PGM5: variants seen among roughly 807,000 people sequenced by gnomAD.
The protein encoded by PGM5 is phosphoglucomutase 5.
PGM5 carries 23 observed loss-of-function variants against 59.2 expected under a neutral mutation model. The observed-to-expected ratio is 0.39, with a 90% CI of 0.28 to 0.55. The LOEUF is 0.55. Among genes scored for constraint, PGM5 ranks in the 20% least tolerant of loss-of-function variants. The pLI is 0.66. For synonymous variants in PGM5, 214 were observed against 286.0 expected, an observed-to-expected ratio of 0.75 and a Z score of 2.54; for missense variants, 574 against 748.3, an observed-to-expected ratio of 0.77 and a Z score of 2.72.
chr9:68,479,731 G>A (rs955283569), intron 8 of PGM5, among the ~76,000 whole-genome samples, 178 bp downstream of exon 8: 28 of 152,086 alleles, frequency 1.8e-4, no homozygotes, highest in Non-Finnish European at 3.5e-4. Flanking sequence ...TCAGGAGATC[G>A]AGACCATCCC....
chr9:68,472,458 C>G (rs1554686332), intron 7 of PGM5, among the ~76,000 whole-genome samples: 1 of 152,026 alleles, frequency 6.6e-6, no homozygotes, highest in Non-Finnish European at 1.5e-5. Flanking sequence ...GACCCAGCTT[C>G]CATCTTGACT....
At chr9:68,501,350 A>C (rs1384748383) in intron 10 of PGM5, among the ~76,000 whole-genome samples, 1 of 152,248 alleles carries the variant, frequency 6.6e-6, no homozygotes, top group Non-Finnish European at 1.5e-5. Context: ...GATATAACAT[A>C]GAGTAAGATT....
At chr9:68,376,777 CTTTCTTTCTTTCTTTCTTT>C (rs1821900297) in intron 1 of PGM5, among the ~76,000 whole-genome samples, 1 of 74,930 alleles carries the variant, frequency 1.3e-5, no homozygotes, top group African/African-American at 5.4e-5. Flanking sequence ...TTCTTTCTTT[CTTTCTTTCTTTCTTTCTTT>C]CTTTCTTTCT....
In PGM5 at chr9:68,479,408, TCACC is replaced by T; in HGVS notation, c.1160-9_1160-6del. On this transcript the variant is annotated splice_region_variant and splice_polypyrimidine_tract_variant and intron_variant, in intron 7 of 10. Transcript: ENST00000396396. Reference sequence around the variant, plus strand: ...ATGAATGCTCAGCAGAATTTTTCTTTCACCTTTAGGCTCTGACCACCTCCGAGAG... The same window carrying T: ...ATGAATGCTCAGCAGAATTTTTCTTTTTTAGGCTCTGACCACCTCCGAGAG... The T allele has an allele frequency of 6.3e-7, 1 of 1,593,680 alleles. No homozygotes were observed. Among genetic ancestry groups the T allele is most frequent in the Non-Finnish European group, 8.5e-7 (1 of 1,173,846 alleles).
Position 68,437,039 on chromosome 9 carries a change from C to T in PGM5, c.1044-28054C>T, listed in dbSNP as rs1181915342. ...TGCCTTTGTATTTATGCATAGCTAA[C>T]TCCTGAGTTTCCATTATTGATAATA... On this transcript the variant is annotated intron_variant, in intron 6 of 10. Transcript: ENST00000396396. This position sits in a 1 kb window ranked among gnomAD's most constrained non-coding sequence, Gnocchi z 4.1. Among the ~76,000 whole-genome samples, 3 of 152,200 alleles carry T rather than the reference C, an allele frequency of 2.0e-5. No homozygotes were observed. Among genetic ancestry groups the T allele is most frequent in the Admixed American group, 6.6e-5 (1 of 15,264 alleles).
At chr9:68,442,474 G>T (rs1190038816) in intron 6 of PGM5, among the ~76,000 whole-genome samples, 1 of 152,156 alleles carries the variant, frequency 6.6e-6, no homozygotes, top group Non-Finnish European at 1.5e-5. Flanking sequence ...TGTTGGCCAG[G>T]CTGGTCTTGA....
At chr9:68,483,718 G>C (rs1824237491) in intron 8 of PGM5, 147 bp from the exon 9 acceptor site, 2 of 656,030 alleles carry the variant, frequency 3.0e-6, no homozygotes, top group Non-Finnish European at 2.7e-6. Context: ...GGACTGTAAG[G>C]GTCAGATGAA....
rs1824537669 is a variant in PGM5, at chr9:68,499,491, C to T, written c.1614+130C>T. On this transcript the variant is annotated intron_variant, in intron 10 of 10. Transcript: ENST00000396396. Reference sequence around the variant, plus strand: ...ATGATAATTTCAGCTGGAGGACAAGCTCAGGGCAACTCCAAGCAAGTTTAA... The same window carrying T: ...ATGATAATTTCAGCTGGAGGACAAGTTCAGGGCAACTCCAAGCAAGTTTAA... 3 of 893,826 alleles carry T rather than the reference C, an allele frequency of 3.4e-6. No individual in the cohort carries two copies. The South Asian group carries it at 5.3e-5, about 16-fold the overall frequency. The allele number at this position is 893,826 out of a possible 1,614,324, so 55.4% of individuals were successfully genotyped here.
At chr9:68,401,017 G>T (rs1229694751) in intron 6 of PGM5, among the ~76,000 whole-genome samples, 1 of 151,960 alleles carries the variant, frequency 6.6e-6, no homozygotes, top group Non-Finnish European at 1.5e-5. Flanking sequence ...TGCTGAGACT[G>T]GTTCAAGTCT....
intron 6 of PGM5, among the ~76,000 whole-genome samples, chr9:68,407,309 T>G (rs1410946227): frequency 6.6e-6 from 1 of 152,138 alleles, no homozygotes; most frequent in Non-Finnish European, 1.5e-5. Context: ...TTATTTTTAT[T>G]TTTTGTAGAG....
In PGM5 at chr9:68,494,232, A is replaced by T. The variant is rs184363492; in HGVS notation, c.1480-4995A>T. Among the ~76,000 whole-genome samples the T allele has an allele frequency of 6.1e-4, 93 of 152,300 alleles. 2 individuals are homozygous for T. In the Middle Eastern group the frequency reaches 0.017, roughly 28 times the overall value. On this transcript the variant is annotated intron_variant, in intron 9 of 10. Coordinates refer to ENST00000396396, the MANE Select transcript of PGM5 (RefSeq NM_021965.4). The stretch of plus-strand genomic sequence containing the variant: ...CTACGAAGACTGTGCTAAAAAAAAA[A>T]AATAATAATGTCAGATGGTTCAAGA...
intron 10 of PGM5, among the ~76,000 whole-genome samples, chr9:68,520,939 A>T (rs781066619): frequency 3.9e-5 from 6 of 152,250 alleles, no homozygotes; most frequent in Non-Finnish European, 7.3e-5. Context: ...TAATCCTTAA[A>T]AAGGTAATTT....
intron 1 of PGM5, among the ~76,000 whole-genome samples, chr9:68,367,891 G>T (rs1258398115): frequency 2.0e-5 from 3 of 150,362 alleles, no homozygotes; most frequent in South Asian, 4.3e-4. Context: ...AGGCTGAGGG[G>T]TTTTTTTGTT....
At chr9:68,500,390 C>A (rs1824552980) in intron 10 of PGM5, among the ~76,000 whole-genome samples, 1 of 151,984 alleles carries the variant, frequency 6.6e-6, no homozygotes, top group Admixed American at 6.5e-5. Context: ...ATCCTTACAC[C>A]TGACCCTACA....
intron 9 of PGM5, among the ~76,000 whole-genome samples, chr9:68,487,312 G>T (rs138408221): frequency 1.1e-3 from 169 of 152,288 alleles, no homozygotes; most frequent in African/African-American, 3.7e-3. Flanking sequence ...AGAAAGTCAT[G>T]TGAAGCCTCA....
intron 1 of PGM5, among the ~76,000 whole-genome samples, chr9:68,375,813 G>A (rs1354421980): frequency 3.3e-4 from 50 of 152,322 alleles, no homozygotes; most frequent in African/African-American, 1.2e-3. Context: ...GGCTGTCAAG[G>A]GTGCTATCTC....
In PGM5 at chr9:68,456,410, A is replaced by G. The variant is rs539974644; in HGVS notation, c.1044-8683A>G. 2.2e-4 allele frequency among the ~76,000 whole-genome samples: 34 copies of G among 151,186 alleles called. No homozygotes were observed. The South Asian group carries it at 6.9e-3, about 31-fold the overall frequency. The stretch of plus-strand genomic sequence containing the variant: ...ACTGCAATCTCCGCCTCCCAGGTTC[A>G]CACCATTCTCCTGCTTCAGCCTCCC... On this transcript the variant is annotated intron_variant, in intron 6 of 10. Coordinates refer to ENST00000396396, the MANE Select transcript of PGM5 (RefSeq NM_021965.4).
chr9:68,384,418 T>C lies in PGM5; in HGVS notation c.445T>C (p.Ser149Pro), dbSNP rs529058930. The C allele has an allele frequency of 1.2e-6, 2 of 1,606,774 alleles. No individual in the cohort carries two copies. Among genetic ancestry groups the C allele is most frequent in the Non-Finnish European group, 1.7e-6 (2 of 1,174,596 alleles). ...TTTAGGTCCTGCACCCGATGTTGTC[T>C]CAGACAAAATCTACCAAATCAGCAA... is the stretch of plus-strand genomic sequence containing the variant. Reference protein sequence around the residue: ...ANGGPAPDVVSDKIYQISKTI... With the variant: ...ANGGPAPDVVPDKIYQISKTI... Residue 149 changes from serine (S) to proline (P), a missense_variant, in exon 3 of 11, where the codon TCA (serine) becomes CCA (proline). Around this residue, in one of 7 missense-constraint regions of PGM5, gnomAD observed 103 missense variants for 112.4 expected, o/e 0.92. Coordinates refer to ENST00000396396, the MANE Select transcript of PGM5 (RefSeq NM_021965.4).
chr9:68,391,924 T>C (rs1165868156), intron 5 of PGM5, among the ~76,000 whole-genome samples, 200 bp downstream of exon 5: 1 of 152,172 alleles, frequency 6.6e-6, no homozygotes. Flanking sequence ...CAGATTTACG[T>C]TATGGCATAC....
Sources: gnomAD v4.1 joint callset for allele counts (sites outside exome capture counted in the v4.1 genomes callset) on GRCh38, gnomAD v4.1.1 for gene constraint, gnomAD v4.1.1 regional missense constraint, Gnocchi (gnomAD v3.1) non-coding constraint, MANE v1.5 for transcripts, NCBI Gene and HGNC (gene_info 2026-07-23, HGNC 2026-07-21) for gene names.